NEK11: variants seen among roughly 807,000 people sequenced by gnomAD.
NEK11 encodes the protein NIMA related kinase 11.
A neutral mutation model predicts 80.7 loss-of-function variants in NEK11; 72 were observed. The observed-to-expected ratio is 0.89, with a 90% confidence interval of 0.74 to 1.08. The LOEUF is 1.08. Ranked by LOEUF, NEK11 falls within the 50% of genes least tolerant of loss-of-function variation. The probability of loss-of-function intolerance (pLI) is 0.00; values close to 1 mark genes in which losing one functional copy is unlikely to be tolerated. For synonymous variants in NEK11, 251 were observed against 260.7 expected, an observed-to-expected ratio of 0.96 and a Z score of 0.36; for missense variants, 764 against 763.6, an observed-to-expected ratio of 1.00 and a Z score of -0.01.
At chr3:131,173,470 G>A (rs547284582) in intron 14 of NEK11, among the ~76,000 whole-genome samples, 2 of 151,836 alleles carry the variant, frequency 1.3e-5, no homozygotes, top group South Asian at 4.2e-4. Flanking sequence ...GTTTCAAATA[G>A]GAAAAGTACT....
At position 131,331,653 on chromosome 3, in the gene NEK11, G is replaced by A. The variant is rs529727493; in HGVS notation, c.1719-17904G>A. Among the ~76,000 whole-genome samples the A allele has an allele frequency of 4.6e-4, 70 of 152,314 alleles. 1 individual carries two copies. The highest frequency in any genetic ancestry group is 8.4e-4 in the Non-Finnish European group (57 of 68,014). On this transcript the variant is annotated intron_variant, in intron 17 of 17. Coordinates refer to ENST00000383366, the MANE Select transcript of NEK11 (RefSeq NM_024800.5). ...CACCGTGCGTGAGCCGAAGCAGGGC[G>A]AGCAAGGCATTGCCTCACTCGGGAA...
chr3:131,179,760 T>C (rs1028698672), intron 14 of NEK11, among the ~76,000 whole-genome samples: 9 of 152,312 alleles, frequency 5.9e-5, no homozygotes, highest in African/African-American at 2.2e-4. Context: ...TTTGAACACC[T>C]CTGAAATGGA....
chr3:131,211,114 G>A (rs2094598720), intron 14 of NEK11, among the ~76,000 whole-genome samples: 1 of 151,718 alleles, frequency 6.6e-6, no homozygotes, highest in Admixed American at 6.6e-5. Context: ...GATGGTACCA[G>A]TTTTCCTTTC....
intron 17 of NEK11, among the ~76,000 whole-genome samples, chr3:131,331,761 T>G (rs1007448553): frequency 5.9e-5 from 9 of 152,176 alleles, no homozygotes; most frequent in African/African-American, 2.2e-4. Context: ...ACTCCCACCC[T>G]AATACTGCGC....
intron 17 of NEK11, among the ~76,000 whole-genome samples, chr3:131,308,472 G>A (rs1322241617): frequency 2.6e-5 from 4 of 152,186 alleles, no homozygotes; most frequent in African/African-American, 9.7e-5. Context: ...ATGGCTAAGT[G>A]AATGGGGGCA....
At chr3:131,169,965 C>T (rs1045045675) in intron 13 of NEK11, among the ~76,000 whole-genome samples, 66 of 152,308 alleles carry the variant, frequency 4.3e-4, no homozygotes, top group African/African-American at 1.5e-3. Context: ...TTATGCGGTA[C>T]AGAAAACTGA....
intron 4 of NEK11, among the ~76,000 whole-genome samples, chr3:131,093,964 G>A (rs890973796): frequency 2.0e-5 from 3 of 149,180 alleles, no homozygotes; most frequent in Non-Finnish European, 4.4e-5. Context: ...CTTGACCTGT[G>A]ATCTTGGGAA....
intron 14 of NEK11, among the ~76,000 whole-genome samples, chr3:131,210,682 G>C (rs967541139): frequency 6.6e-6 from 1 of 152,138 alleles, no homozygotes; most frequent in Non-Finnish European, 1.5e-5. Flanking sequence ...ATATATTTAG[G>C]ATAGTTAGCT....
At chr3:131,074,959 T>C (rs2074093966) in intron 3 of NEK11, among the ~76,000 whole-genome samples, 1 of 152,210 alleles carries the variant, frequency 6.6e-6, no homozygotes, top group South Asian at 2.1e-4. Flanking sequence ...TGGCATGGTA[T>C]TTGGCACATA....
At chr3:131,113,394 T>C (rs9815347) in intron 5 of NEK11, among the ~76,000 whole-genome samples, 137,014 of 152,020 alleles carry the variant, frequency 0.9, 62,281 homozygotes, top group Non-Finnish European at 0.95. Flanking sequence ...ATATCAGAGC[T>C]CTGAAACAAA....
intron 15 of NEK11, among the ~76,000 whole-genome samples, chr3:131,241,786 T>C (rs1036951818): frequency 6.6e-6 from 1 of 152,098 alleles, no homozygotes; most frequent in Non-Finnish European, 1.5e-5. Flanking sequence ...AGCATACATA[T>C]ATAGTATGAT....
In NEK11 at chr3:131,154,295, A is replaced by C. The variant is rs183374057; in HGVS notation, c.877-741A>C. ...TGAGCATTCAAAAAAAAAATGGGTC[A>C]AAAGGTATTCACAGGGATCTGCTGG... On this transcript the variant is annotated intron_variant, in intron 9 of 17. Coordinates refer to ENST00000383366, the MANE Select transcript of NEK11 (RefSeq NM_024800.5). 2.0e-5 allele frequency among the ~76,000 whole-genome samples: 3 copies of C among 152,282 alleles called. No individual in the cohort carries two copies. The East Asian group carries it at 5.8e-4, about 29-fold the overall frequency.
intron 16 of NEK11, among the ~76,000 whole-genome samples, chr3:131,255,975 T>C (rs2108377707): frequency 6.6e-6 from 1 of 152,284 alleles, no homozygotes; most frequent in South Asian, 2.1e-4. Flanking sequence ...TCCAAACCTC[T>C]TGTGGTTCTG....
At chr3:131,286,595 A>G (rs1328913213) in intron 17 of NEK11, among the ~76,000 whole-genome samples, 5 of 152,190 alleles carry the variant, frequency 3.3e-5, no homozygotes, top group Non-Finnish European at 5.9e-5. Flanking sequence ...GAAAACCCTA[A>G]ACACCACCAG....
chr3:131,273,359 A>G (rs2096234756), intron 16 of NEK11, 119 bp from the exon 17 acceptor site: 1 of 653,288 alleles, frequency 1.5e-6, no homozygotes, highest in African/African-American at 1.8e-5. Context: ...TCTCTAATTA[A>G]TGTAGCATTA....
At chr3:131,069,647 A>G (rs2072848577) in intron 3 of NEK11, among the ~76,000 whole-genome samples, 4 of 151,882 alleles carry the variant, frequency 2.6e-5, no homozygotes, top group Admixed American at 2.0e-4. Flanking sequence ...CTATGCAGCC[A>G]TAAAAAATGA....
Position 131,127,369 on chromosome 3 carries a change from G to A in NEK11, c.456-5376G>A, listed in dbSNP as rs1414009721. Reference sequence around the variant, plus strand: ...TCCTCTCTTCTGCTGTGTCTAATTTGATTTCAAACATATGCACTAAATTCT... The same window carrying A: ...TCCTCTCTTCTGCTGTGTCTAATTTAATTTCAAACATATGCACTAAATTCT... On this transcript the variant is annotated intron_variant, in intron 5 of 17. Coordinates refer to ENST00000383366, the MANE Select transcript of NEK11 (RefSeq NM_024800.5). Among the ~76,000 whole-genome samples, 4 of 151,766 alleles carry A rather than the reference G, an allele frequency of 2.6e-5. No homozygotes were observed. The East Asian group carries it at 7.7e-4, about 29-fold the overall frequency.
chr3:131,204,366 A>G (rs1394564195), intron 14 of NEK11, among the ~76,000 whole-genome samples: 2 of 152,108 alleles, frequency 1.3e-5, no homozygotes, highest in South Asian at 2.1e-4. Flanking sequence ...AATCAAACCC[A>G]AGGAGGGGGC....
Position 131,155,105 on chromosome 3 carries a change from CATATAATTAA to C in NEK11, c.947_956del (p.His316LeufsTer12). The C allele has an allele frequency of 6.2e-7, 1 of 1,607,302 alleles. No individual in the cohort carries two copies. The highest frequency in any genetic ancestry group is 1.7e-4 in the Middle Eastern group (1 of 6,040). On this transcript the variant is annotated frameshift_variant, in exon 10 of 18. Coordinates refer to ENST00000383366, the MANE Select transcript of NEK11 (RefSeq NM_024800.5). LOFTEE classifies it high-confidence loss of function. ...TTTGGATTGTCAGAAGGAGGCTGCT[CATATAATTAA>C]TGCCATGTAAGTAATTGCTTTGTTT...
Sources: gnomAD v4.1 joint callset for allele counts (sites outside exome capture counted in the v4.1 genomes callset) on GRCh38, gnomAD v4.1.1 for gene constraint, MANE v1.5 for transcripts, NCBI Gene and HGNC (gene_info 2026-07-23, HGNC 2026-07-21) for gene names.